SND1: variants seen among roughly 807,000 people sequenced by gnomAD.
SND1 encodes staphylococcal nuclease domain-containing protein 1.
In SND1, 38 loss-of-function variants were observed where a neutral mutation model predicts 121.7. The observed-to-expected ratio is 0.31, with a 90% CI of 0.24 to 0.41. SND1 has a LOEUF of 0.41. Ranked by LOEUF, SND1 falls within the 10% of genes least tolerant of loss-of-function variation. SND1 has a pLI of 1.00. For synonymous variants in SND1, 401 were observed against 447.4 expected (o/e 0.90, Z 1.31); for missense variants, 868 against 1,184.6 (o/e 0.73, Z 3.92).
At chr7:127,815,429 G>A (rs191340773) in intron 11 of SND1, among the ~76,000 whole-genome samples, 8 of 152,034 alleles carry the variant, frequency 5.3e-5, no homozygotes, top group South Asian at 4.1e-4. Flanking sequence ...GTTGGAGGCC[G>A]CAGTGAACCA....
At chr7:127,938,652 C>T (rs563812132) in intron 15 of SND1, among the ~76,000 whole-genome samples, 1 of 152,282 alleles carries the variant, frequency 6.6e-6, no homozygotes, top group South Asian at 2.1e-4. Context: ...ACATATTAAT[C>T]AATCATTTTT....
intron 16 of SND1, among the ~76,000 whole-genome samples, chr7:128,011,725 T>C (rs1803121264): frequency 1.3e-5 from 2 of 152,228 alleles, no homozygotes; most frequent in Admixed American, 6.5e-5. Context: ...GGAATAACTT[T>C]GATAATTTTG....
intron 15 of SND1, among the ~76,000 whole-genome samples, chr7:127,989,681 A>T (rs1271236702): frequency 6.6e-6 from 1 of 152,168 alleles, no homozygotes; most frequent in Non-Finnish European, 1.5e-5. Flanking sequence ...ACCACCAGTG[A>T]TTCAGAGACA....
At chr7:127,935,912 C>A (rs536111256) in intron 15 of SND1, among the ~76,000 whole-genome samples, 1 of 152,328 alleles carries the variant, frequency 6.6e-6, no homozygotes, top group South Asian at 2.1e-4. Flanking sequence ...GCCTTCTGTA[C>A]TTCAAGGTGG....
chr7:127,721,106 C>G (rs1160423196), intron 9 of SND1, among the ~76,000 whole-genome samples, 181 bp from the exon 10 acceptor site: 1 of 152,114 alleles, frequency 6.6e-6, no homozygotes, highest in Non-Finnish European at 1.5e-5. Context: ...AATAAGGTCT[C>G]TGGGAACTGA....
chr7:127,751,361 T>C (rs1797091011), intron 10 of SND1, among the ~76,000 whole-genome samples: 1 of 152,166 alleles, frequency 6.6e-6, no homozygotes, highest in Admixed American at 6.5e-5. Flanking sequence ...GACAGTGTAG[T>C]TTCAAGAGCT....
At chr7:128,021,519 T>TG (rs1470051200) in intron 16 of SND1, among the ~76,000 whole-genome samples, 1 of 152,210 alleles carries the variant, frequency 6.6e-6, no homozygotes, top group Non-Finnish European at 1.5e-5. Context: ...TCTTGAAGAC[T>TG]GGGAAGAAGT....
At chr7:127,692,569 T>A (rs933350118) in intron 2 of SND1, 1 of 152,274 alleles carries the variant, frequency 6.6e-6, no homozygotes, top group Non-Finnish European at 1.5e-5. Context: ...CCATAAGGGT[T>A]CTGTCCCAGA....
intron 21 of SND1, among the ~76,000 whole-genome samples, chr7:128,087,820 G>A (rs1400433832): frequency 6.6e-6 from 1 of 152,158 alleles, no homozygotes; most frequent in Non-Finnish European, 1.5e-5. Context: ...GAGCCCAGAG[G>A]CAGCATATGC....
At chr7:128,080,259 C>T (rs1220060674) in intron 17 of SND1, among the ~76,000 whole-genome samples, 2 of 152,262 alleles carry the variant, frequency 1.3e-5, no homozygotes, top group Non-Finnish European at 2.9e-5. Flanking sequence ...ACCTCCCTCC[C>T]CTGCTCTGAC....
At chr7:127,921,852 A>G (rs780804704) in intron 14 of SND1, among the ~76,000 whole-genome samples, 1 of 152,186 alleles carries the variant, frequency 6.6e-6, no homozygotes, top group African/African-American at 2.4e-5. Flanking sequence ...GTTGTTGCCC[A>G]TGTCTTTTTT....
At chr7:127,984,736 C>T (rs1323429955) in intron 15 of SND1, among the ~76,000 whole-genome samples, 1 of 152,198 alleles carries the variant, frequency 6.6e-6, no homozygotes, top group African/African-American at 2.4e-5. Flanking sequence ...CAGATCCTCA[C>T]AGATTGGCTT....
At chr7:128,082,235 G>T (rs1418182665) in intron 18 of SND1, among the ~76,000 whole-genome samples, 1 of 152,228 alleles carries the variant, frequency 6.6e-6, no homozygotes, top group East Asian at 1.9e-4. Flanking sequence ...CCTGTGCAGG[G>T]AAACAGTTGA....
intron 15 of SND1, among the ~76,000 whole-genome samples, chr7:127,939,542 C>G (rs183212300): frequency 6.6e-6 from 1 of 152,118 alleles, no homozygotes; most frequent in Non-Finnish European, 1.5e-5. Context: ...TAATTATTTC[C>G]GTCAGACTGG....
At chr7:127,895,423 G>A (rs1401320345) in intron 13 of SND1, among the ~76,000 whole-genome samples, 1 of 152,102 alleles carries the variant, frequency 6.6e-6, no homozygotes, top group Non-Finnish European at 1.5e-5. Flanking sequence ...AGCCAGCACA[G>A]AGGAGGAGAC....
chr7:127,837,759 CAG>C (rs762288236), intron 11 of SND1, among the ~76,000 whole-genome samples: 21 of 152,190 alleles, frequency 1.4e-4, no homozygotes, highest in Non-Finnish European at 2.6e-4. Flanking sequence ...ATACTTTTAA[CAG>C]AGAAAAATTA....
At chr7:127,885,436 A>G (rs1305483237) in intron 12 of SND1, among the ~76,000 whole-genome samples, 1 of 152,136 alleles carries the variant, frequency 6.6e-6, no homozygotes, top group East Asian at 1.9e-4. Context: ...AAGCTAAGAG[A>G]ACATGGCTTA....
At chr7:128,087,928 GGCAGGTTGAGGCTTC>G (rs887524464) in intron 21 of SND1, among the ~76,000 whole-genome samples, 4 of 152,182 alleles carry the variant, frequency 2.6e-5, no homozygotes, top group Non-Finnish European at 4.4e-5. Context: ...CGGGAGCTCA[GGCAGGTTGAGGCTTC>G]CCAGGGGCTG....
At chr7:128,023,108 T>G (rs1426265087) in intron 16 of SND1, among the ~76,000 whole-genome samples, 1 of 152,200 alleles carries the variant, frequency 6.6e-6, no homozygotes, top group Non-Finnish European at 1.5e-5. Flanking sequence ...CAGAGGAATC[T>G]CCCTGGCTTT....
Sources: allele counts gnomAD v4.1 joint callset (sites outside exome capture counted in the v4.1 genomes callset), GRCh38; gene constraint gnomAD v4.1.1; transcripts MANE v1.5; gene names NCBI Gene and HGNC (gene_info 2026-07-23, HGNC 2026-07-21).